The following UNC13C variants were observed in gnomAD, a reference collection of about 807,000 sequenced individuals.
The protein encoded by UNC13C is unc-13 homolog C, also known as protein unc-13 homolog C.
UNC13C carries 174 observed loss-of-function variants against 245.4 expected under a neutral mutation model. The observed-to-expected ratio is 0.71, with a 90% confidence interval of 0.63 to 0.80. The LOEUF (loss-of-function observed/expected upper bound fraction) is 0.80, where lower values mean the gene tolerates loss of function less well. Among genes scored for constraint, UNC13C ranks in the 30% least tolerant of loss-of-function variants. The pLI is 0.00. For missense variants in UNC13C, 2,829 were observed against 2,602.9 expected, an observed-to-expected ratio of 1.09 and a Z score of -1.89; for synonymous variants, 992 against 895.1, an observed-to-expected ratio of 1.11 and a Z score of -1.93.
intron 17 of UNC13C, among the ~76,000 whole-genome samples, chr15:54,374,915 G>C (rs1388597368): frequency 6.6e-6 from 1 of 152,174 alleles, no homozygotes; most frequent in Non-Finnish European, 1.5e-5. Context: ...ATCCATGATA[G>C]AGCTGATCAT....
chr15:54,237,547 C>T, intron 6 of UNC13C, 72 bp from the exon 7 acceptor site: 1 of 1,162,650 alleles, frequency 8.6e-7, no homozygotes, highest in Non-Finnish European at 1.3e-6. Context: ...CTTGCATTTT[C>T]ACCTTCTGCT....
chr15:54,033,154 G>A (rs4470095), intron 2 of UNC13C, among the ~76,000 whole-genome samples: 3,249 of 151,964 alleles, frequency 0.021, 114 homozygotes, highest in South Asian at 0.12. Context: ...AATTTAAGAT[G>A]TTCCTTTAAT....
intron 18 of UNC13C, among the ~76,000 whole-genome samples, chr15:54,412,778 A>C (rs2040442078): frequency 6.6e-6 from 1 of 152,170 alleles, no homozygotes; most frequent in Non-Finnish European, 1.5e-5. Context: ...TATGCCTTTT[A>C]TGTATTTCTC....
At chr15:54,022,984 G>C (rs1054893913) in intron 2 of UNC13C, among the ~76,000 whole-genome samples, 1 of 152,212 alleles carries the variant, frequency 6.6e-6, no homozygotes, top group East Asian at 1.9e-4. Flanking sequence ...AGGGGAGAAA[G>C]ATAATATGTA....
chr15:54,213,204 G>T (rs991668156), intron 4 of UNC13C, among the ~76,000 whole-genome samples: 8 of 151,816 alleles, frequency 5.3e-5, no homozygotes, highest in Non-Finnish European at 1.0e-4. Context: ...TGAAGCATTA[G>T]GTTATACCCT....
At chr15:54,608,742 T>C (rs1899915527) in intron 30 of UNC13C, among the ~76,000 whole-genome samples, 1 of 152,212 alleles carries the variant, frequency 6.6e-6, no homozygotes, top group Non-Finnish European at 1.5e-5. Flanking sequence ...ATACCCTCTG[T>C]TTATTGTATC....
chr15:54,002,143 C>T (rs767656190), intron 1 of UNC13C, among the ~76,000 whole-genome samples: 30 of 152,056 alleles, frequency 2.0e-4, no homozygotes, highest in Admixed American at 2.6e-4. Context: ...AAATATTAGC[C>T]GGCGTGGTGG....
intron 19 of UNC13C, among the ~76,000 whole-genome samples, chr15:54,432,100 G>A (rs1275309421): frequency 6.6e-6 from 1 of 151,332 alleles, no homozygotes; most frequent in Non-Finnish European, 1.5e-5. Context: ...TTACTCATTT[G>A]ACCATTTAAT....
At chr15:53,951,547 CA>C in the UNC13C span, among the ~76,000 whole-genome samples, 1 of 152,318 alleles carries the variant, frequency 6.6e-6, no homozygotes, top group East Asian at 1.9e-4. Context: ...CTATTCTTCA[CA>C]GCCTTTGTGA....
At chr15:54,299,106 T>C (rs2037509572) in intron 12 of UNC13C, among the ~76,000 whole-genome samples, 1 of 152,112 alleles carries the variant, frequency 6.6e-6, no homozygotes, top group Non-Finnish European at 1.5e-5. Flanking sequence ...AGAAATCCCT[T>C]GAACTGGCAT....
At chr15:54,483,431 G>C (rs11071083) in intron 19 of UNC13C, among the ~76,000 whole-genome samples, 14 of 151,918 alleles carry the variant, frequency 9.2e-5, no homozygotes, top group East Asian at 7.8e-4. Flanking sequence ...TAATCCAGAT[G>C]ATTATTTAGA....
intron 19 of UNC13C, among the ~76,000 whole-genome samples, chr15:54,426,465 A>G (rs2040761828): frequency 6.7e-6 from 1 of 150,216 alleles, no homozygotes; most frequent in Admixed American, 6.7e-5. Flanking sequence ...TTATCAAAGT[A>G]TGCAAGCCAA....
At chr15:54,353,485 C>T (rs1233296157) in intron 17 of UNC13C, among the ~76,000 whole-genome samples, 1 of 152,094 alleles carries the variant, frequency 6.6e-6, no homozygotes, top group African/African-American at 2.4e-5. Flanking sequence ...TTTAAAATCC[C>T]AGTGTAGTAG....
chr15:54,271,931 C>T (rs553116368), intron 10 of UNC13C, among the ~76,000 whole-genome samples: 101 of 152,170 alleles, frequency 6.6e-4, no homozygotes, highest in Middle Eastern at 3.4e-3. Flanking sequence ...CCTGAGTGAC[C>T]GTTATATGTA....
intron 17 of UNC13C, among the ~76,000 whole-genome samples, chr15:54,389,992 G>T (rs1306831508): frequency 6.6e-6 from 1 of 152,114 alleles, no homozygotes; most frequent in Non-Finnish European, 1.5e-5. Context: ...GCCTCCCAAA[G>T]TGCTGGGATT....
intron 23 of UNC13C, among the ~76,000 whole-genome samples, chr15:54,509,977 G>C (rs968573683): frequency 1.3e-5 from 2 of 152,140 alleles, no homozygotes; most frequent in Admixed American, 6.5e-5. Context: ...GAGCCAAACT[G>C]TCCATGTTCA....
rs137863000 is a variant in UNC13C, at chr15:54,151,160, C to T, written c.3071+7476C>T. Among the ~76,000 whole-genome samples, 824 of 152,252 alleles carry T rather than the reference C, an allele frequency of 5.4e-3. 11 individuals carry two copies. The highest frequency in any genetic ancestry group is 0.019 in the African/African-American group (795 of 41,548). Reference sequence around the variant, plus strand: ...TCAGGGATACTGTATAAGACTCCCCCATCTTCGGGTAATATTAGAAAATAG... The same window carrying T: ...TCAGGGATACTGTATAAGACTCCCCTATCTTCGGGTAATATTAGAAAATAG... On this transcript the variant is annotated intron_variant, in intron 4 of 32. Transcript: ENST00000260323.
At chr15:54,116,434 C>T (rs1010268851) in intron 2 of UNC13C, among the ~76,000 whole-genome samples, 25 of 152,268 alleles carry the variant, frequency 1.6e-4, no homozygotes, top group Admixed American at 2.6e-4. Context: ...CCTCTTCCCC[C>T]ATACCCTTCC....
At position 54,340,125 on chromosome 15, in the gene UNC13C, T is replaced by C. The variant is rs535069271; in HGVS notation, c.4713+1636T>C. Among the ~76,000 whole-genome samples the C allele has an allele frequency of 3.3e-5, 5 of 152,250 alleles. No individual in the cohort carries two copies. The East Asian group carries it at 9.7e-4, about 29-fold the overall frequency. On this transcript the variant is annotated intron_variant, in intron 17 of 32. Coordinates refer to ENST00000260323, the MANE Select transcript of UNC13C (RefSeq NM_001080534.3). Reference sequence around the variant, plus strand: ...GTCTATTCATGTCCTTATCCCACTTTCTGATAAGATTTTTTTTCTTACTAA... The same window carrying C: ...GTCTATTCATGTCCTTATCCCACTTCCTGATAAGATTTTTTTTCTTACTAA...
Sources: allele counts gnomAD v4.1 joint callset (sites outside exome capture counted in the v4.1 genomes callset), GRCh38; gene constraint gnomAD v4.1.1; transcripts MANE v1.5; gene names NCBI Gene and HGNC (gene_info 2026-07-23, HGNC 2026-07-21).